RFX4: variants seen among roughly 807,000 people sequenced by gnomAD.
The protein encoded by RFX4 is transcription factor RFX4.
RFX4 carries 10 observed loss-of-function variants against 95.0 expected under a neutral mutation model. The observed-to-expected ratio is 0.11, with a 90% CI of 0.06 to 0.18. The LOEUF (loss-of-function observed/expected upper bound fraction) is 0.18, where lower values mean the gene tolerates loss of function less well. Ranked by LOEUF, RFX4 falls within the 10% of genes least tolerant of loss-of-function variation. The pLI, the probability that RFX4 is intolerant of heterozygous loss-of-function variation, is 1.00. For synonymous variants in RFX4, 321 were observed against 340.7 expected (o/e 0.94, Z 0.64); for missense variants, 640 against 922.0 (o/e 0.69, Z 3.96).
chr12:106,722,151 T>C (rs544338148), intron 13 of RFX4, among the ~76,000 whole-genome samples: 58 of 152,382 alleles, frequency 3.8e-4, no homozygotes, highest in Middle Eastern at 6.8e-3. Flanking sequence ...CAGTTAGTGT[T>C]AGCACATGTT....
At chr12:106,704,758 C>T (rs1009278861) in intron 8 of RFX4, among the ~76,000 whole-genome samples, 3 of 152,068 alleles carry the variant, frequency 2.0e-5, no homozygotes, top group African/African-American at 4.8e-5. Flanking sequence ...GTAATCTCAG[C>T]ACAGTGGTTG....
intron 1 of RFX4, among the ~76,000 whole-genome samples, chr12:106,608,062 G>C (rs934390453): frequency 6.6e-6 from 1 of 152,058 alleles, no homozygotes; most frequent in Non-Finnish European, 1.5e-5. Flanking sequence ...ACTTGGTGGC[G>C]GGTGCCTTCC....
At chr12:106,752,465 A>G (rs1216988629) in intron 17 of RFX4, among the ~76,000 whole-genome samples, 1 of 150,928 alleles carries the variant, frequency 6.6e-6, no homozygotes, top group African/African-American at 2.4e-5. Context: ...TTTTCATTCT[A>G]TCCCCTCTTT....
intron 1 of RFX4, among the ~76,000 whole-genome samples, chr12:106,589,936 A>G (rs2039513702): frequency 6.6e-6 from 1 of 152,232 alleles, no homozygotes; most frequent in Non-Finnish European, 1.5e-5. Flanking sequence ...GTGTTCATTC[A>G]TTCATCCAAG....
intron 4 of RFX4, among the ~76,000 whole-genome samples, chr12:106,681,634 C>T (rs775037903): frequency 3.9e-5 from 6 of 152,172 alleles, no homozygotes; most frequent in Non-Finnish European, 5.9e-5. Context: ...GTAAGCAGGA[C>T]GAGTTACAGA....
chr12:106,597,479 C>T (rs2039638502), intron 1 of RFX4, among the ~76,000 whole-genome samples: 1 of 152,194 alleles, frequency 6.6e-6, no homozygotes, highest in South Asian at 2.1e-4. Flanking sequence ...TTCGCTAAGA[C>T]ATACAATGCT....
At chr12:106,587,909 AG>A (rs904249729) in intron 1 of RFX4, among the ~76,000 whole-genome samples, 14 of 152,198 alleles carry the variant, frequency 9.2e-5, no homozygotes, top group African/African-American at 2.9e-4. Flanking sequence ...CCCTTTTTAC[AG>A]TGAGAAAGGC....
chr12:106,738,541 C>T (rs548092686), intron 15 of RFX4, among the ~76,000 whole-genome samples: 35 of 152,258 alleles, frequency 2.3e-4, no homozygotes, highest in Admixed American at 1.3e-3. Flanking sequence ...GAGCCATAAA[C>T]GTAGCTTCTT....
intron 6 of RFX4, among the ~76,000 whole-genome samples, chr12:106,687,577 A>G (rs917584538): frequency 2.0e-5 from 3 of 152,058 alleles, no homozygotes; most frequent in African/African-American, 7.2e-5. Context: ...AAAAGAAATC[A>G]AAATAAAGCA....
rs577653860 is a variant in RFX4 at position 106,611,854 on chromosome 12, A to G, written c.130+2971A>G. Among the ~76,000 whole-genome samples, 5 of 152,316 alleles carry G rather than the reference A, an allele frequency of 3.3e-5. No homozygotes were observed. The South Asian group carries it at 1.0e-3, about 32-fold the overall frequency. On this transcript the variant is annotated intron_variant, in intron 2 of 17. Transcript: ENST00000392842. Reference sequence around the variant, plus strand: ...TCACATGTTGGTATCCAGGTTCCCCAGCACCATTTGTTGAAAAGACTATTC... The same window carrying G: ...TCACATGTTGGTATCCAGGTTCCCCGGCACCATTTGTTGAAAAGACTATTC...
intron 13 of RFX4, among the ~76,000 whole-genome samples, chr12:106,723,411 C>A (rs978361202): frequency 2.6e-5 from 4 of 152,202 alleles, no homozygotes; most frequent in African/African-American, 9.6e-5. Context: ...AGCGCCTTTA[C>A]CTTTTCATTC....
chr12:106,728,906 G>T (rs572524827), intron 13 of RFX4, among the ~76,000 whole-genome samples: 110 of 152,270 alleles, frequency 7.2e-4, no homozygotes, highest in Admixed American at 2.0e-3. Flanking sequence ...AACTCTTGTT[G>T]TTTGAAGGAT....
chr12:106,654,703 A>T (rs190230101), intron 4 of RFX4, among the ~76,000 whole-genome samples: 256 of 152,314 alleles, frequency 1.7e-3, no homozygotes, highest in Non-Finnish European at 2.7e-3. Flanking sequence ...ATGCCTGGAG[A>T]AACTGGAAAT....
intron 4 of RFX4, among the ~76,000 whole-genome samples, chr12:106,666,661 C>T (rs2041183252): frequency 6.6e-6 from 1 of 152,184 alleles, no homozygotes; most frequent in African/African-American, 2.4e-5. Context: ...TACACAAGCT[C>T]AGAGAGTCTT....
At chr12:106,747,071 T>C (rs1309435381) in intron 15 of RFX4, among the ~76,000 whole-genome samples, 1 of 152,186 alleles carries the variant, frequency 6.6e-6, no homozygotes. Flanking sequence ...CAAATTGCAG[T>C]AGGCACCACT....
chr12:106,750,746 A>G lies in RFX4; in HGVS notation c.1888A>G (p.Ile630Val). ...QYPALPHDTA[I>V]SGPLHYAPYH... Reference sequence around the variant, plus strand: ...TCCGGCCCTCCCTCATGACACAGCTATCTCTGGGCCACTCCACTATGCCCC... The same window carrying G: ...TCCGGCCCTCCCTCATGACACAGCTGTCTCTGGGCCACTCCACTATGCCCC... The change falls in exon 17 of 18, where the codon ATC (isoleucine) becomes GTC (valine). Residue 630 changes from isoleucine (I) to valine (V), a missense_variant. This residue lies in a region of RFX4 where 300 missense variants were observed against 346.8 expected (regional missense o/e 0.87). Coordinates refer to ENST00000392842, the MANE Select transcript of RFX4 (RefSeq NM_213594.3). 1.9e-6 allele frequency: 3 copies of G among 1,612,634 alleles called. No individual in the cohort carries two copies. The highest frequency in any genetic ancestry group is 1.7e-6 in the Non-Finnish European group (2 of 1,179,548).
intron 13 of RFX4, among the ~76,000 whole-genome samples, chr12:106,723,478 A>C (rs992696712): frequency 2.0e-5 from 3 of 152,216 alleles, no homozygotes; most frequent in African/African-American, 7.2e-5. Flanking sequence ...GAAGGTAATA[A>C]TAGTTCCCGG....
Position 106,585,219 on chromosome 12 carries a change from G to A in RFX4, c.43+1856G>A, listed in dbSNP as rs115708322. On this transcript the variant is annotated intron_variant, in intron 1 of 17. Coordinates refer to ENST00000392842, the MANE Select transcript of RFX4 (RefSeq NM_213594.3). ...GGGCTTTTAGCTGCCTCCTCCACAG[G>A]GCCAGGCCCCTCGGTACTTCTGGGG... is the stretch of plus-strand genomic sequence containing the variant. Among the ~76,000 whole-genome samples, 677 of 152,288 alleles carry A rather than the reference G, an allele frequency of 4.4e-3. 4 individuals are homozygous for A. The highest frequency in any genetic ancestry group is 0.016 in the African/African-American group (654 of 41,554).
intron 2 of RFX4, among the ~76,000 whole-genome samples, chr12:106,632,773 C>G (rs1247184375): frequency 6.6e-6 from 1 of 152,242 alleles, no homozygotes; most frequent in African/African-American, 2.4e-5. Flanking sequence ...CCCAGCTCAG[C>G]CTCCTGAGTA....
Sources: gnomAD v4.1 joint callset for allele counts (sites outside exome capture counted in the v4.1 genomes callset) on GRCh38, gnomAD v4.1.1 for gene constraint, gnomAD v4.1.1 regional missense constraint, MANE v1.5 for transcripts, NCBI Gene and HGNC (gene_info 2026-07-23, HGNC 2026-07-21) for gene names.